The following KCNT2 variants were observed in gnomAD, a reference collection of about 807,000 sequenced individuals.
The protein encoded by KCNT2 is potassium channel subfamily T member 2.
A neutral mutation model predicts 153.8 loss-of-function variants in KCNT2; 67 were observed. The observed-to-expected ratio is 0.44, with a 90% CI of 0.36 to 0.53. The LOEUF (loss-of-function observed/expected upper bound fraction) is 0.53, where lower values mean the gene tolerates loss of function less well. Ranked by LOEUF, KCNT2 falls within the 20% of genes least tolerant of loss-of-function variation. The probability of loss-of-function intolerance (pLI) is 0.00; values close to 1 mark genes in which losing one functional copy is unlikely to be tolerated. For synonymous variants in KCNT2, 500 were observed against 458.8 expected (o/e 1.09, Z -1.15); for missense variants, 975 against 1,354.8 (o/e 0.72, Z 4.40).
At chr1:196,526,635 T>C (rs1044292091) in intron 1 of KCNT2, among the ~76,000 whole-genome samples, 2 of 152,066 alleles carry the variant, frequency 1.3e-5, no homozygotes, top group African/African-American at 2.4e-5. Context: ...GTATTTTTAG[T>C]AGAGATGGGG....
chr1:196,449,044 T>A (rs1297174074), intron 8 of KCNT2, among the ~76,000 whole-genome samples: 1 of 151,638 alleles, frequency 6.6e-6, no homozygotes. Context: ...GAATTTATAA[T>A]CATAAAATGG....
chr1:196,305,811 T>A (rs1661574262), intron 21 of KCNT2, among the ~76,000 whole-genome samples: 1 of 152,140 alleles, frequency 6.6e-6, no homozygotes, highest in African/African-American at 2.4e-5. Context: ...AAATGTCAAA[T>A]CTTGCTACAA....
intron 26 of KCNT2, among the ~76,000 whole-genome samples, chr1:196,240,549 A>C (rs2102254705): frequency 6.6e-6 from 1 of 152,196 alleles, no homozygotes; most frequent in Admixed American, 6.6e-5. Flanking sequence ...ATGTATTGCT[A>C]TGTGAAGGTG....
intron 26 of KCNT2, among the ~76,000 whole-genome samples, chr1:196,241,383 G>A (rs1654946808): frequency 6.6e-6 from 1 of 151,840 alleles, no homozygotes; most frequent in Admixed American, 6.6e-5. Flanking sequence ...GTTTTACAGT[G>A]CTGACTCAAT....
chr1:196,323,657 A>T (rs530610064), intron 19 of KCNT2, among the ~76,000 whole-genome samples: 1 of 152,022 alleles, frequency 6.6e-6, no homozygotes, highest in South Asian at 2.1e-4. Flanking sequence ...TTATAAATTT[A>T]ATTTACATTT....
chr1:196,368,014 A>C (rs1221202327), intron 14 of KCNT2, among the ~76,000 whole-genome samples: 1 of 152,204 alleles, frequency 6.6e-6, no homozygotes, highest in East Asian at 1.9e-4. Context: ...TGTTGGAATA[A>C]GAAAACAGAA....
At chr1:196,391,026 T>G (rs1396441791) in intron 13 of KCNT2, among the ~76,000 whole-genome samples, 1 of 151,056 alleles carries the variant, frequency 6.6e-6, no homozygotes, top group Non-Finnish European at 1.5e-5. Context: ...TTGACTAAAT[T>G]CATCAAGCAA....
intron 1 of KCNT2, among the ~76,000 whole-genome samples, chr1:196,574,573 G>A (rs1182315055): frequency 2.0e-5 from 3 of 151,562 alleles, no homozygotes; most frequent in South Asian, 2.1e-4. Flanking sequence ...AGCAGAATAC[G>A]TTAAATATTC....
intron 1 of KCNT2, among the ~76,000 whole-genome samples, chr1:196,567,759 CA>C (rs1660285259): frequency 6.6e-6 from 1 of 152,152 alleles, no homozygotes. Flanking sequence ...GAGAGCATTT[CA>C]AAAGGGCTTA....
intron 18 of KCNT2, 32 bp from the exon 19 acceptor site, chr1:196,326,921 A>G (rs912401183): frequency 7.2e-6 from 9 of 1,254,648 alleles, no homozygotes; most frequent in East Asian, 2.7e-5. Flanking sequence ...TTGAAATGCC[A>G]TTTGGATACT....
intron 25 of KCNT2, among the ~76,000 whole-genome samples, chr1:196,280,199 T>C (rs1487852308): frequency 6.6e-6 from 1 of 152,184 alleles, no homozygotes; most frequent in African/African-American, 2.4e-5. Context: ...ACTAAGGCTA[T>C]AAAAATTACT....
intron 1 of KCNT2, among the ~76,000 whole-genome samples, chr1:196,552,641 G>A (rs1272552926): frequency 4.6e-5 from 7 of 151,474 alleles, no homozygotes. Context: ...AAATGTAATT[G>A]TGGTGTGTAA....
At chr1:196,328,212 T>C (rs1572053077) in intron 18 of KCNT2, among the ~76,000 whole-genome samples, 1 of 152,246 alleles carries the variant, frequency 6.6e-6, no homozygotes, top group South Asian at 2.1e-4. Flanking sequence ...TCTATTTCTC[T>C]GTATCTTCTT....
At chr1:196,504,754 T>G (rs1455044776) in intron 1 of KCNT2, among the ~76,000 whole-genome samples, 1 of 152,188 alleles carries the variant, frequency 6.6e-6, no homozygotes, top group Admixed American at 6.5e-5. Flanking sequence ...CTGTTGTTTC[T>G]TGACTTTTTA....
intron 12 of KCNT2, among the ~76,000 whole-genome samples, chr1:196,405,390 C>T (rs1671744444): frequency 6.6e-6 from 1 of 151,374 alleles, no homozygotes; most frequent in Non-Finnish European, 1.5e-5. Flanking sequence ...TACCCAAAGT[C>T]AGTTTGCCTA....
chr1:196,378,564 C>A (rs1344243036), intron 13 of KCNT2, among the ~76,000 whole-genome samples: 1 of 151,210 alleles, frequency 6.6e-6, no homozygotes, highest in Non-Finnish European at 1.5e-5. Flanking sequence ...AATAGACATA[C>A]TAAAAAGAAA....
At position 196,448,704 on chromosome 1, in the gene KCNT2, C is replaced by T. The variant is rs112436152; in HGVS notation, c.638+16589G>A. ...AGTTTATATAATATTCTTCTTTCTC[C>T]GTTTGACAAATGAGTAGATTGAGGC... On this transcript the variant is annotated intron_variant, in intron 8 of 27. Transcript: ENST00000294725. 1.3e-3 allele frequency among the ~76,000 whole-genome samples: 203 copies of T among 151,662 alleles called. 2 individuals carry two copies. The highest frequency in any genetic ancestry group is 4.8e-3 in the African/African-American group (197 of 41,458).
At chr1:196,326,658 T>C (rs1293000918) in intron 19 of KCNT2, 59 bp downstream of exon 19, 2 of 940,572 alleles carry the variant, frequency 2.1e-6, no homozygotes, top group Non-Finnish European at 1.5e-6. Context: ...ATTTTTGATA[T>C]ACATTAACAT....
intron 8 of KCNT2, among the ~76,000 whole-genome samples, chr1:196,445,905 CAA>C (rs879663761): frequency 7.0e-6 from 1 of 142,298 alleles, no homozygotes; most frequent in Non-Finnish European, 1.6e-5. Context: ...CCTCTTAGAC[CAA>C]AAAAAAAAAA....
Sources: allele counts gnomAD v4.1 joint callset (sites outside exome capture counted in the v4.1 genomes callset), GRCh38; gene constraint gnomAD v4.1.1; transcripts MANE v1.5; gene names NCBI Gene and HGNC (gene_info 2026-07-23, HGNC 2026-07-21).